Variants in CDH13 observed in about 807,000 individuals in gnomAD.
CDH13 encodes cadherin-13.
In CDH13, 24 loss-of-function variants were observed where a neutral mutation model predicts 63.8. The observed-to-expected ratio is 0.38, with a 90% confidence interval of 0.27 to 0.53. The LOEUF (loss-of-function observed/expected upper bound fraction) is 0.53. CDH13 is among the 20% of genes least tolerant of loss of function. The pLI is 0.85. For missense variants in CDH13, 1,049 were observed against 903.1 expected, an observed-to-expected ratio of 1.16 and a Z score of -2.07; for synonymous variants, 503 against 355.3, an observed-to-expected ratio of 1.42 and a Z score of -4.67.
At chr16:82,856,962 C>G (rs534218027) in intron 1 of CDH13, among the ~76,000 whole-genome samples, 3 of 152,300 alleles carry the variant, frequency 2.0e-5, no homozygotes, top group Non-Finnish European at 4.4e-5. Context: ...TTAAGGACCA[C>G]TCCCAGGATG....
intron 1 of CDH13, among the ~76,000 whole-genome samples, chr16:82,728,669 G>T (rs1033143153): frequency 6.6e-6 from 1 of 152,150 alleles, no homozygotes; most frequent in Non-Finnish European, 1.5e-5. Flanking sequence ...GCTGATCAGG[G>T]TGGGGGTTGC....
chr16:83,486,754 T>A lies in CDH13; in HGVS notation c.960+99T>A. On this transcript the variant is annotated intron_variant, in intron 7 of 13. Transcript: ENST00000567109. ...TCCAGTCAGTGGTTTTTTTTAATACTGTAAAGGCAGAAATGAGGTGTTTAC... is the reference window on the plus strand; with the variant it reads ...TCCAGTCAGTGGTTTTTTTTAATACAGTAAAGGCAGAAATGAGGTGTTTAC... 1.8e-6 allele frequency: 2 copies of A among 1,084,880 alleles called. 1 individual carries two copies. The highest frequency in any genetic ancestry group is 4.5e-4 in the Middle Eastern group (2 of 4,494). 67.2% of individuals were successfully genotyped at this position (1,084,880 alleles called of 1,614,324 possible).
Position 83,798,871 on chromosome 16 carries a change from A to T in CDH13, c.*3841A>T, listed in dbSNP as rs1237131625. 2 of 144,670 alleles carry T rather than the reference A, an allele frequency of 1.4e-5. No homozygotes were observed. Among genetic ancestry groups the T allele is most frequent in the African/African-American group, 5.3e-5 (2 of 37,772 alleles). 9.0% of individuals were successfully genotyped at this position (144,670 alleles called of 1,614,324 possible). A position where few individuals can be genotyped will look rare whatever the true frequency, so the allele number is the denominator to read the frequency against. On this transcript the variant is annotated 3_prime_UTR_variant, in exon 14 of 14. Transcript: ENST00000567109. ...CTTCAATCTGAAAGCTTTCTGTTAAAAAAAAAAATGTTAACATCGTTCTAA... is the reference window on the plus strand; with the variant it reads ...CTTCAATCTGAAAGCTTTCTGTTAATAAAAAAAATGTTAACATCGTTCTAA...
intron 1 of CDH13, among the ~76,000 whole-genome samples, chr16:82,842,430 A>C (rs1031879251): frequency 6.6e-6 from 1 of 151,860 alleles, no homozygotes; most frequent in African/African-American, 2.4e-5. Flanking sequence ...TTCACACTGT[A>C]CCACTCTTTA....
chr16:83,116,454 T>G (rs1053737905), intron 3 of CDH13, among the ~76,000 whole-genome samples: 1 of 152,206 alleles, frequency 6.6e-6, no homozygotes, highest in Non-Finnish European at 1.5e-5. Context: ...GGGCTGACCT[T>G]GACACACTCC....
At chr16:83,070,223 T>C (rs991718172) in intron 3 of CDH13, among the ~76,000 whole-genome samples, 1 of 152,114 alleles carries the variant, frequency 6.6e-6, no homozygotes, top group African/African-American at 2.4e-5. Context: ...AAACTCACTC[T>C]TGGAAATACA....
In CDH13 at chr16:82,846,422, G is replaced by A. The variant is rs558946257; in HGVS notation, c.46-11940G>A. ...AGCACATAACACCTACTGTGAGCCA[G>A]TTTCTGTCCTGAAACATTTGATTTG... On this transcript the variant is annotated intron_variant, in intron 1 of 13. Transcript: ENST00000567109. 7.9e-5 allele frequency among the ~76,000 whole-genome samples: 12 copies of A among 152,196 alleles called. No homozygotes were observed. In the South Asian group the frequency reaches 2.3e-3, roughly 29 times the overall value.
intron 3 of CDH13, among the ~76,000 whole-genome samples, chr16:83,112,544 T>C (rs190333064): frequency 1.3e-5 from 2 of 152,276 alleles, no homozygotes; most frequent in East Asian, 1.9e-4. Flanking sequence ...AAAAAGGAGG[T>C]GTAATTAACC....
At chr16:83,470,855 C>G (rs1185587381) in intron 6 of CDH13, among the ~76,000 whole-genome samples, 5 of 152,166 alleles carry the variant, frequency 3.3e-5, no homozygotes, top group Admixed American at 2.6e-4. Flanking sequence ...TCTTTTTACA[C>G]TTGGGTCAGA....
At chr16:83,081,069 C>T (rs1470368670) in intron 3 of CDH13, among the ~76,000 whole-genome samples, 1 of 151,384 alleles carries the variant, frequency 6.6e-6, no homozygotes, top group Non-Finnish European at 1.5e-5. Context: ...TTAGTACAGA[C>T]GGGGTTTCTC....
chr16:82,930,380 A>G (rs1247461756), intron 2 of CDH13, among the ~76,000 whole-genome samples: 3 of 152,156 alleles, frequency 2.0e-5, no homozygotes, highest in African/African-American at 7.2e-5. Flanking sequence ...CATTTAACAG[A>G]GATGCACCAG....
chr16:83,195,996 C>T (rs9936940), intron 4 of CDH13, among the ~76,000 whole-genome samples: 2,385 of 152,302 alleles, frequency 0.016, 66 homozygotes, highest in African/African-American at 0.054. Context: ...TAGCTCACAA[C>T]TGTAATCCCA....
At chr16:82,666,695 G>C (rs1484009630) in intron 1 of CDH13, among the ~76,000 whole-genome samples, 1 of 152,130 alleles carries the variant, frequency 6.6e-6, no homozygotes, top group Non-Finnish European at 1.5e-5. Flanking sequence ...CTTATTTGTG[G>C]TGCATATCAC....
At chr16:83,136,271 C>T (rs1299447410) in intron 4 of CDH13, among the ~76,000 whole-genome samples, 1 of 151,628 alleles carries the variant, frequency 6.6e-6, no homozygotes, top group African/African-American at 2.4e-5. Flanking sequence ...ATCATGAGGT[C>T]AGGAGATCGA....
intron 8 of CDH13, among the ~76,000 whole-genome samples, chr16:83,630,653 G>C (rs1413867612): frequency 6.6e-6 from 1 of 152,200 alleles, no homozygotes; most frequent in Non-Finnish European, 1.5e-5. Flanking sequence ...ATATGCATTT[G>C]TCTCAGGTGA....
chr16:82,968,901 C>T (rs1908275568), intron 2 of CDH13, among the ~76,000 whole-genome samples: 1 of 152,156 alleles, frequency 6.6e-6, no homozygotes, highest in Non-Finnish European at 1.5e-5. Context: ...GGGATGATTG[C>T]TTGAGCTCAA....
At chr16:83,045,866 G>C (rs929757598) in intron 3 of CDH13, among the ~76,000 whole-genome samples, 2 of 152,202 alleles carry the variant, frequency 1.3e-5, no homozygotes, top group African/African-American at 2.4e-5. Context: ...CTCATCCAAA[G>C]TTTTCAGGCA....
intron 7 of CDH13, among the ~76,000 whole-genome samples, chr16:83,488,514 T>C (rs938484445): frequency 2.0e-5 from 3 of 152,158 alleles, no homozygotes; most frequent in East Asian, 3.8e-4. Flanking sequence ...CTTTGGAAAA[T>C]GTAATCGTTT....
intron 7 of CDH13, among the ~76,000 whole-genome samples, chr16:83,495,337 T>C (rs1328906453): frequency 1.3e-5 from 2 of 152,126 alleles, no homozygotes; most frequent in Non-Finnish European, 2.9e-5. Context: ...TGTTTGGCAA[T>C]TGGTTGAAAG....
Sources: gnomAD v4.1 joint callset for allele counts (sites outside exome capture counted in the v4.1 genomes callset) on GRCh38, gnomAD v4.1.1 for gene constraint, MANE v1.5 for transcripts, NCBI Gene and HGNC (gene_info 2026-07-23, HGNC 2026-07-21) for gene names.